TPCN2: variants seen among roughly 807,000 people sequenced by gnomAD.
The protein encoded by TPCN2 is two pore segment channel 2.
In TPCN2, 92 loss-of-function variants were observed where a neutral mutation model predicts 111.4. The ratio of observed to expected loss-of-function variants is 0.83; its 90% CI spans 0.70 to 0.98. The LOEUF (loss-of-function observed/expected upper bound fraction) is 0.98. TPCN2 is among the 50% of genes least tolerant of loss of function. TPCN2 has a pLI of 0.00. For synonymous variants in TPCN2, 405 were observed against 414.5 expected (o/e 0.98, Z 0.28); for missense variants, 995 against 980.1 (o/e 1.02, Z -0.20).
At chr11:69,059,335 C>T (rs147686296) in intron 5 of TPCN2, among the ~76,000 whole-genome samples, 2 of 152,208 alleles carry the variant, frequency 1.3e-5, no homozygotes, top group African/African-American at 4.8e-5. Flanking sequence ...AGCTATGGTC[C>T]AGCGTGTGTC....
At chr11:69,050,136 A>G (rs1229255521) in intron 1 of TPCN2, among the ~76,000 whole-genome samples, 1 of 152,180 alleles carries the variant, frequency 6.6e-6, no homozygotes, top group Non-Finnish European at 1.5e-5. Context: ...CTGACGAGAG[A>G]TGAAAAACCA....
chr11:69,084,589 G>A (rs6591372), intron 19 of TPCN2: 469,573 of 985,094 alleles, frequency 0.48, 116,289 homozygotes, highest in Non-Finnish European at 0.51. Flanking sequence ...CCCCAGATCC[G>A]CGCCGTGCAG....
At position 69,088,103 on chromosome 11, in the gene TPCN2, T is replaced by G. The variant is rs1235522126; in HGVS notation, c.*150T>G. ...CACTAAGCTGGGGACAGGAACCAAG[T>G]CCTTTGCGTGTGGCCCAACAACCAT... is the stretch of plus-strand genomic sequence containing the variant. On this transcript the variant is annotated 3_prime_UTR_variant, in exon 25 of 25. Transcript: ENST00000294309. 1.5e-6 allele frequency: 1 copy of G among 653,968 alleles called. No individual in the cohort carries two copies. The highest frequency in any genetic ancestry group is 2.6e-6 in the Non-Finnish European group (1 of 387,724). The allele number at this position is 653,968 out of a possible 1,614,324, so 40.5% of individuals were successfully genotyped here.
chr11:69,074,619 T>G (rs917205695), intron 13 of TPCN2, among the ~76,000 whole-genome samples: 1 of 152,146 alleles, frequency 6.6e-6, no homozygotes, highest in Non-Finnish European at 1.5e-5. Context: ...AGGTTTGCTG[T>G]GATCCGGCCC....
chr11:69,055,594 C>T (rs1300120917), intron 4 of TPCN2, among the ~76,000 whole-genome samples: 1 of 152,070 alleles, frequency 6.6e-6, no homozygotes. Context: ...CCTCCCTCTC[C>T]ACCATGCAAA....
In TPCN2 at chr11:69,088,779, G is replaced by A. The variant is rs1338550064; in HGVS notation, c.*826G>A. ...GAGCGAGCAGTGTGTGGAAAGCCTT[G>A]TTGTCACCTGAAGCACGCCAGGTCC... On this transcript the variant is annotated 3_prime_UTR_variant, in exon 25 of 25. Coordinates refer to ENST00000294309, the MANE Select transcript of TPCN2 (RefSeq NM_139075.4). The A allele has an allele frequency of 6.6e-6, 1 of 152,210 alleles. No homozygotes were observed. The highest frequency in any genetic ancestry group is 2.4e-5 in the African/African-American group (1 of 41,424). 9.4% of individuals were successfully genotyped at this position (152,210 alleles called of 1,614,324 possible). A position where few individuals can be genotyped will look rare whatever the true frequency, so the allele number is the denominator to read the frequency against.
chr11:69,063,012 C>T, intron 6 of TPCN2, 22 bp downstream of exon 6: 1 of 1,608,402 alleles, frequency 6.2e-7, no homozygotes, highest in Non-Finnish European at 8.5e-7. Flanking sequence ...GTGCTCTGGG[C>T]TCGCAGGGTT....
Position 69,054,107 on chromosome 11 carries a change from A to G in TPCN2, c.174+10A>G, listed in dbSNP as rs765196932. 9.9e-6 allele frequency: 16 copies of G among 1,611,974 alleles called. No individual in the cohort carries two copies. The highest frequency in any genetic ancestry group is 3.3e-5 in the South Asian group (3 of 90,994). On this transcript the variant is annotated intron_variant, in intron 2 of 24. Transcript: ENST00000294309. Reference sequence around the variant, plus strand: ...CGAAGATGCTATTCAGGTCGGTGGCACCTGCTCCCTGTGGCCGGGCCTGGG... The same window carrying G: ...CGAAGATGCTATTCAGGTCGGTGGCGCCTGCTCCCTGTGGCCGGGCCTGGG...
chr11:69,072,178 T>C (rs1855564346), intron 11 of TPCN2, among the ~76,000 whole-genome samples, 155 bp downstream of exon 11: 2 of 152,172 alleles, frequency 1.3e-5, no homozygotes, highest in Admixed American at 1.3e-4. Flanking sequence ...TCCCTGGCGC[T>C]CTGTGGTTCC....
intron 8 of TPCN2, 67 bp from the exon 9 acceptor site, chr11:69,070,363 A>G: frequency 1.6e-6 from 2 of 1,262,138 alleles, no homozygotes; most frequent in South Asian, 1.2e-5. Flanking sequence ...CAAATAGTGT[A>G]GCGTCAGGAT....
At chr11:69,086,713 T>A in intron 23 of TPCN2, 109 bp downstream of exon 23, 1 of 1,059,088 alleles carries the variant, frequency 9.4e-7, no homozygotes, top group Non-Finnish European at 1.5e-6. Context: ...GATGGGAGAG[T>A]CGTGCTGGGT....
chr11:69,048,981 A>G lies in TPCN2; in HGVS notation c.-17A>G, dbSNP rs879527609. The G allele has an allele frequency of 1.6e-6, 2 of 1,234,708 alleles. No homozygotes were observed. The highest frequency in any genetic ancestry group is 1.0e-6 in the Non-Finnish European group (1 of 985,842). The allele number at this position is 1,234,708 out of a possible 1,614,324, so 76.5% of individuals were successfully genotyped here. A position where few individuals can be genotyped will look rare whatever the true frequency, so the allele number is the denominator to read the frequency against. On this transcript the variant is annotated 5_prime_UTR_variant, in exon 1 of 25. Coordinates refer to ENST00000294309, the MANE Select transcript of TPCN2 (RefSeq NM_139075.4). ...GCTTGAGCTTCTGAGGGTCGGGTCC[A>G]GCGCGTGGGCTGCTGGATGGCGGAA...
At chr11:69,081,723 G>A (rs1856019926) in intron 18 of TPCN2, among the ~76,000 whole-genome samples, 1 of 152,182 alleles carries the variant, frequency 6.6e-6, no homozygotes, top group Non-Finnish European at 1.5e-5. Context: ...AGAGGAAGGC[G>A]GGCAAGGGTG....
chr11:69,084,686 A>G, intron 19 of TPCN2: 1 of 985,424 alleles, frequency 1.0e-6, no homozygotes, highest in Non-Finnish European at 1.2e-6. Context: ...CGTAGGGACC[A>G]CTGGGGTGAG....
intron 20 of TPCN2, 77 bp from the exon 21 acceptor site, chr11:69,085,594 A>C (rs1191947372): frequency 7.7e-5 from 76 of 987,034 alleles, no homozygotes; most frequent in Non-Finnish European, 1.2e-4. Flanking sequence ...GCACGCCAGC[A>C]GAGGAAAGGG....
chr11:69,078,426 C>T (rs527273065), intron 13 of TPCN2, 56 bp from the exon 14 acceptor site: 1 of 1,601,134 alleles, frequency 6.2e-7, no homozygotes, highest in African/African-American at 1.3e-5. Context: ...CATTTTTGGG[C>T]TGCAACAGCC....
Position 69,072,581 on chromosome 11 carries a change from G to T in TPCN2, c.1062-46G>T, listed in dbSNP as rs528471201. On this transcript the variant is annotated intron_variant, in intron 11 of 24. Coordinates refer to ENST00000294309, the MANE Select transcript of TPCN2 (RefSeq NM_139075.4). Reference sequence around the variant, plus strand: ...GAGGACCCAGGCCAGGGTTCCAAGGGAGCCGAGCTGGCTGTGCTCACCGGG... The same window carrying T: ...GAGGACCCAGGCCAGGGTTCCAAGGTAGCCGAGCTGGCTGTGCTCACCGGG... The T allele has an allele frequency of 4.3e-4, 693 of 1,602,828 alleles. 1 individual carries two copies. Among genetic ancestry groups the T allele is most frequent in the Non-Finnish European group, 5.0e-4 (590 of 1,171,746 alleles).
chr11:69,059,080 C>T (rs374400168), intron 5 of TPCN2, among the ~76,000 whole-genome samples: 7 of 152,242 alleles, frequency 4.6e-5, no homozygotes, highest in Admixed American at 6.5e-5. Flanking sequence ...CCTTCGCCTC[C>T]GCCAGCTCCC....
intron 18 of TPCN2, among the ~76,000 whole-genome samples, chr11:69,081,830 C>T (rs1856025054): frequency 1.3e-5 from 2 of 152,150 alleles, no homozygotes. Flanking sequence ...CCAGAAAGGC[C>T]TTTGCCATGG....
Sources: allele counts gnomAD v4.1 joint callset (sites outside exome capture counted in the v4.1 genomes callset), GRCh38; gene constraint gnomAD v4.1.1; transcripts MANE v1.5; gene names NCBI Gene and HGNC (gene_info 2026-07-23, HGNC 2026-07-21).